TRPC6: variants seen among roughly 807,000 people sequenced by gnomAD.
TRPC6 encodes the protein transient receptor potential cation channel subfamily C member 6.
A neutral mutation model predicts 90.7 loss-of-function variants in TRPC6; 55 were observed. That is an observed-to-expected ratio of 0.61 (90% CI 0.49 to 0.76). The LOEUF (loss-of-function observed/expected upper bound fraction) is 0.76, where lower values mean the gene tolerates loss of function less well. Ranked by LOEUF, TRPC6 falls within the 30% of genes least tolerant of loss-of-function variation. The pLI, the probability that TRPC6 is intolerant of heterozygous loss-of-function variation, is 0.00. For synonymous variants in TRPC6, 393 were observed against 393.0 expected, an observed-to-expected ratio of 1.00 and a Z score of 0.00; for missense variants, 989 against 1,122.7, an observed-to-expected ratio of 0.88 and a Z score of 1.70.
chr11:101,548,692 A>T (rs1457917591), intron 1 of TRPC6, among the ~76,000 whole-genome samples: 1 of 151,568 alleles, frequency 6.6e-6, no homozygotes, highest in East Asian at 1.9e-4. Flanking sequence ...AAAAAAGAAA[A>T]CTGAGATGAA....
At chr11:101,497,059 G>A (rs1364344533) in intron 2 of TRPC6, among the ~76,000 whole-genome samples, 2 of 152,214 alleles carry the variant, frequency 1.3e-5, no homozygotes, top group Admixed American at 6.5e-5. Context: ...GCTAACCGAT[G>A]TAAAGAAAGG....
At chr11:101,481,218 G>C (rs1370961560) in intron 5 of TRPC6, among the ~76,000 whole-genome samples, 2 of 152,172 alleles carry the variant, frequency 1.3e-5, no homozygotes, top group Non-Finnish European at 2.9e-5. Context: ...TGCTTCTCCA[G>C]GTCCCTAGAG....
At chr11:101,524,034 A>C (rs12786942) in intron 1 of TRPC6, among the ~76,000 whole-genome samples, 4 of 152,150 alleles carry the variant, frequency 2.6e-5, no homozygotes, top group African/African-American at 9.7e-5. Context: ...GTCTTTGTCA[A>C]AGTCAACACA....
At chr11:101,491,420 C>T (rs541317685) in intron 3 of TRPC6, 136 bp downstream of exon 3, 378 of 1,154,026 alleles carry the variant, frequency 3.3e-4, no homozygotes, top group East Asian at 1.5e-3. Flanking sequence ...GGCGACAGAG[C>T]GAGACTCCAT....
chr11:101,546,050 C>CTTTTTTTTTTTTTTTTTTTTTTTTT (rs1166182552), intron 1 of TRPC6, among the ~76,000 whole-genome samples: 1 of 29,694 alleles, frequency 3.4e-5, no homozygotes, highest in Non-Finnish European at 6.2e-5. Context: ...ATTTATAACT[C>CTTTTTTTTTTTTTTTTTTTTTTTTT]TTTTTTTTTT....
In TRPC6 at chr11:101,469,778, G is replaced by C. The variant is rs111322348; in HGVS notation, c.2410-277C>G. Among the ~76,000 whole-genome samples, 253 of 152,228 alleles carry C rather than the reference G, an allele frequency of 1.7e-3. 2 individuals are homozygous for C. The highest frequency in any genetic ancestry group is 5.7e-3 in the African/African-American group (237 of 41,542). On this transcript the variant is annotated intron_variant, in intron 9 of 12. Transcript: ENST00000344327. Reference sequence around the variant, plus strand: ...CCACTCAATCCACTGAGTTCTGTAAGTTATACTTCTGGAAGAATATCATAG... The same window carrying C: ...CCACTCAATCCACTGAGTTCTGTAACTTATACTTCTGGAAGAATATCATAG...
Position 101,476,512 on chromosome 11 carries a change from T to C in TRPC6, c.1533A>G (p.Lys511=), listed in dbSNP as rs878853195. 1 of 1,614,058 alleles carries C rather than the reference T, an allele frequency of 6.2e-7. No homozygotes were observed. ...CCTTGGGGCCCTGAGTCCAGATTTCTTTACATTCAGCCCATATCATGCCTG... is the reference window on the plus strand; with the variant it reads ...CCTTGGGGCCCTGAGTCCAGATTTCCTTACATTCAGCCCATATCATGCCTG... The part of the protein sequence containing the change: ...WVIGMIWAEC[K]EIWTQGPKEY... Residue 511 remains lysine, a synonymous_variant, in exon 6 of 13, where the codon AAA becomes AAG. Transcript: ENST00000344327.
chr11:101,501,657 A>G (rs555594911), intron 2 of TRPC6, among the ~76,000 whole-genome samples: 1 of 152,098 alleles, frequency 6.6e-6, no homozygotes, highest in Non-Finnish European at 1.5e-5. Flanking sequence ...CTGCTGTCCA[A>G]ACTAATCTCA....
At chr11:101,545,257 A>G (rs971415776) in intron 1 of TRPC6, among the ~76,000 whole-genome samples, 2 of 152,200 alleles carry the variant, frequency 1.3e-5, no homozygotes, top group African/African-American at 2.4e-5. Context: ...AATAAGCAAT[A>G]CAACAACTAT....
At chr11:101,473,213 A>C (rs140268651) in intron 7 of TRPC6, among the ~76,000 whole-genome samples, 1 of 152,266 alleles carries the variant, frequency 6.6e-6, no homozygotes, top group East Asian at 1.9e-4. Context: ...TGGAATATTC[A>C]GCAAATTACT....
At chr11:101,529,369 C>A (rs1369068286) in intron 1 of TRPC6, among the ~76,000 whole-genome samples, 2 of 152,154 alleles carry the variant, frequency 1.3e-5, no homozygotes, top group Non-Finnish European at 2.9e-5. Context: ...GGAACACTCC[C>A]CTAAGGGAAA....
rs114812458 is a variant in TRPC6 at position 101,513,195 on chromosome 11, C to T, written c.171-8397G>A. 2.2e-3 allele frequency among the ~76,000 whole-genome samples: 334 copies of T among 152,328 alleles called. 3 individuals are homozygous for T. Among genetic ancestry groups the T allele is most frequent in the African/African-American group, 7.7e-3 (319 of 41,582 alleles). On this transcript the variant is annotated intron_variant, in intron 1 of 12. Transcript: ENST00000344327. ...GGAACTGATACTCTGACCTCACTCTCCTGCCCTCTGATGTCCCACAAGTGC... is the reference window on the plus strand; with the variant it reads ...GGAACTGATACTCTGACCTCACTCTTCTGCCCTCTGATGTCCCACAAGTGC...
At chr11:101,517,462 C>G (rs917290817) in intron 1 of TRPC6, among the ~76,000 whole-genome samples, 4 of 152,206 alleles carry the variant, frequency 2.6e-5, no homozygotes, top group Non-Finnish European at 4.4e-5. Flanking sequence ...TTTGAGAACT[C>G]TGCCGAAGGC....
intron 1 of TRPC6, among the ~76,000 whole-genome samples, chr11:101,542,810 T>G (rs929092723): frequency 3.9e-5 from 6 of 152,080 alleles, no homozygotes; most frequent in Non-Finnish European, 1.5e-5. Flanking sequence ...TAAAATTCTA[T>G]GAACTTCAGA....
At chr11:101,464,358 T>C (rs996991651) in intron 10 of TRPC6, among the ~76,000 whole-genome samples, 1 of 152,110 alleles carries the variant, frequency 6.6e-6, no homozygotes, top group African/African-American at 2.4e-5. Context: ...TAATTTTCTG[T>C]CTTGTTGATC....
chr11:101,517,642 G>A (rs1021974129), intron 1 of TRPC6, among the ~76,000 whole-genome samples: 2 of 152,122 alleles, frequency 1.3e-5, no homozygotes, highest in Middle Eastern at 3.2e-3. Context: ...TTCCAGAAGG[G>A]TATTTAAAAT....
intron 3 of TRPC6, among the ~76,000 whole-genome samples, chr11:101,490,742 C>T (rs1038025069): frequency 6.6e-6 from 1 of 152,214 alleles, no homozygotes; most frequent in Non-Finnish European, 1.5e-5. Flanking sequence ...AGGCATGAGC[C>T]ATTGTGCCCG....
chr11:101,532,659 C>T (rs546666748), intron 1 of TRPC6, among the ~76,000 whole-genome samples: 2 of 152,250 alleles, frequency 1.3e-5, no homozygotes, highest in Admixed American at 1.3e-4. Context: ...GTGACTCCAG[C>T]CCTCAGCCAA....
intron 1 of TRPC6, among the ~76,000 whole-genome samples, chr11:101,516,108 G>GAAAAAAAAAAA (rs10635008): frequency 7.5e-6 from 1 of 133,320 alleles, no homozygotes; most frequent in African/African-American, 2.8e-5. Flanking sequence ...ATGCAGCTGG[G>GAAAAAAAAAAA]AAAAAAAAAA....
Sources: gnomAD v4.1 joint callset for allele counts (sites outside exome capture counted in the v4.1 genomes callset) on GRCh38, gnomAD v4.1.1 for gene constraint, MANE v1.5 for transcripts, NCBI Gene and HGNC (gene_info 2026-07-23, HGNC 2026-07-21) for gene names.